PCDH15: variants seen among roughly 807,000 people sequenced by gnomAD.
PCDH15 encodes protocadherin-15.
PCDH15 carries 129 observed loss-of-function variants against 178.5 expected under a neutral mutation model. The ratio of observed to expected loss-of-function variants is 0.72; its 90% CI spans 0.63 to 0.84. The LOEUF (loss-of-function observed/expected upper bound fraction) is 0.84, where lower values mean the gene tolerates loss of function less well. Among genes scored for constraint, PCDH15 ranks in the 40% least tolerant of loss-of-function variants. The pLI is 0.00. For missense variants in PCDH15, 2,230 were observed against 2,099.9 expected, an observed-to-expected ratio of 1.06 and a Z score of -1.21; for synonymous variants, 800 against 732.0, an observed-to-expected ratio of 1.09 and a Z score of -1.50.
At chr10:55,477,723 G>A (rs1840091069) in intron 2 of PCDH15, among the ~76,000 whole-genome samples, 2 of 151,886 alleles carry the variant, frequency 1.3e-5, no homozygotes, top group Non-Finnish European at 2.9e-5. Flanking sequence ...TGTGCCTATT[G>A]TGTTTACCAC....
rs147743794 is a variant in PCDH15, at chr10:54,987,938, G to A, written c.-79-90438C>T. The stretch of plus-strand genomic sequence containing the variant: ...CATTTTTGTCATAAAGTCTTTGCCC[G>A]TGCCTGTGTGCTAAATGGTATTGCC... On this transcript the variant is annotated intron_variant, in intron 2 of 5. Transcript: ENST00000458638. Among the ~76,000 whole-genome samples the A allele has an allele frequency of 2.3e-3, 356 of 152,082 alleles. 1 individual carries two copies. The highest frequency in any genetic ancestry group is 8.2e-3 in the African/African-American group (340 of 41,498).
At chr10:53,830,079 G>A (rs55800008) in intron 30 of PCDH15, among the ~76,000 whole-genome samples, 58,160 of 151,982 alleles carry the variant, frequency 0.38, 11,797 homozygotes, top group East Asian at 0.75. Context: ...TGAGGTGGGC[G>A]GATCACGAAG....
At chr10:54,507,578 A>G (rs1249028370) in intron 3 of PCDH15, among the ~76,000 whole-genome samples, 1 of 151,984 alleles carries the variant, frequency 6.6e-6, no homozygotes, top group Non-Finnish European at 1.5e-5. Flanking sequence ...CATAAAGTGC[A>G]TAACAAATTT....
intron 11 of PCDH15, among the ~76,000 whole-genome samples, chr10:54,189,549 T>C (rs2048775240): frequency 6.6e-6 from 1 of 152,144 alleles, no homozygotes; most frequent in Admixed American, 6.6e-5. Flanking sequence ...AATAACGATA[T>C]TTATGAAGCA....
chr10:55,010,976 C>T (rs1364860457), intron 2 of PCDH15, among the ~76,000 whole-genome samples: 2 of 151,994 alleles, frequency 1.3e-5, no homozygotes, highest in Non-Finnish European at 1.5e-5. Flanking sequence ...ATACTTTCAA[C>T]CCTAAAGAAT....
chr10:55,148,492 T>C (rs934101450), intron 2 of PCDH15, among the ~76,000 whole-genome samples: 5 of 151,890 alleles, frequency 3.3e-5, no homozygotes, highest in African/African-American at 9.7e-5. Flanking sequence ...TTTAAATTAA[T>C]AGGGACTATT....
At chr10:53,962,715 CCAAA>C (rs1234894521) in intron 21 of PCDH15, among the ~76,000 whole-genome samples, 1 of 151,962 alleles carries the variant, frequency 6.6e-6, no homozygotes, top group Non-Finnish European at 1.5e-5. Flanking sequence ...AGTTGGGACA[CCAAA>C]CAAAGTCACT....
intron 21 of PCDH15, among the ~76,000 whole-genome samples, chr10:53,974,770 AT>A (rs931239533): frequency 1.3e-3 from 199 of 148,392 alleles, no homozygotes; most frequent in African/African-American, 4.3e-3. Context: ...CCTTTTTCTT[AT>A]TTTTTTTTTA....
chr10:55,468,484 A>T (rs531560050), intron 2 of PCDH15: 1 of 152,310 alleles, frequency 6.6e-6, no homozygotes, highest in South Asian at 2.1e-4. Flanking sequence ...GCAAAGCTAA[A>T]ATGGGTTTTG....
chr10:54,813,333 A>C (rs1219620480), intron 3 of PCDH15, among the ~76,000 whole-genome samples: 2 of 151,960 alleles, frequency 1.3e-5, no homozygotes, highest in African/African-American at 4.8e-5. Context: ...CCGTTCTCAC[A>C]TACCATCTGC....
intron 1 of PCDH15, among the ~76,000 whole-genome samples, chr10:54,753,198 T>G (rs1156585330): frequency 6.6e-6 from 1 of 152,132 alleles, no homozygotes; most frequent in Non-Finnish European, 1.5e-5. Context: ...ATTTTTTTTT[T>G]TATTTTCGAG....
At chr10:54,369,059 T>C in intron 5 of PCDH15, 61 bp downstream of exon 5, 1 of 1,543,922 alleles carries the variant, frequency 6.5e-7, no homozygotes. Context: ...AAACATTTAT[T>C]GTATATAGTT....
intron 1 of PCDH15, among the ~76,000 whole-genome samples, chr10:54,765,270 T>A (rs887530609): frequency 6.6e-6 from 1 of 152,242 alleles, no homozygotes; most frequent in South Asian, 2.1e-4. Flanking sequence ...AAATACCTTT[T>A]TAGCAAAAAA....
chr10:54,199,564 C>CAATAATAATAATAAT (rs1376777913), intron 10 of PCDH15, among the ~76,000 whole-genome samples: 2,306 of 79,178 alleles, frequency 0.029, 75 homozygotes, highest in African/African-American at 0.086. Context: ...TAAACAACAA[C>CAATAATAATAATAAT]AACAACAATA....
intron 3 of PCDH15, among the ~76,000 whole-genome samples, chr10:54,835,521 C>G (rs957199669): frequency 1.3e-5 from 2 of 151,986 alleles, no homozygotes; most frequent in African/African-American, 2.4e-5. Context: ...GACACAGTTC[C>G]CCAGTACATA....
At chr10:54,442,457 T>TAC (rs1156915255) in intron 3 of PCDH15, among the ~76,000 whole-genome samples, 116 of 96,994 alleles carry the variant, frequency 1.2e-3, no homozygotes, top group African/African-American at 2.6e-3. Flanking sequence ...TATATATATA[T>TAC]ATACAGTCTT....
chr10:54,829,904 C>T (rs1311419170), intron 3 of PCDH15, among the ~76,000 whole-genome samples: 1 of 152,034 alleles, frequency 6.6e-6, no homozygotes, highest in African/African-American at 2.4e-5. Flanking sequence ...ATGGAGTACA[C>T]CTATAAATAT....
intron 3 of PCDH15, among the ~76,000 whole-genome samples, chr10:54,833,202 G>A (rs1478615519): frequency 6.6e-6 from 1 of 152,082 alleles, no homozygotes; most frequent in Admixed American, 6.6e-5. Context: ...GTTTGGAACA[G>A]TTAAACTACT....
chr10:53,990,842 A>C (rs1387208346), intron 21 of PCDH15, among the ~76,000 whole-genome samples: 1 of 151,978 alleles, frequency 6.6e-6, no homozygotes, highest in Non-Finnish European at 1.5e-5. Context: ...GGGGCTGTGC[A>C]TGGTGCTTGT....
Sources: allele counts gnomAD v4.1 joint callset (sites outside exome capture counted in the v4.1 genomes callset), GRCh38; gene constraint gnomAD v4.1.1; transcripts MANE v1.5; gene names NCBI Gene and HGNC (gene_info 2026-07-23, HGNC 2026-07-21).